The following NBPF8 variants were observed in gnomAD, a reference collection of about 807,000 sequenced individuals.
NBPF8 encodes the protein NBPF member 8.
At chr1:120,452,512 C>A (rs1661310009) in intron 13 of NBPF8, among the ~76,000 whole-genome samples, 181 bp downstream of exon 11, 1 of 151,816 alleles carries the variant, frequency 6.6e-6, no homozygotes, top group Admixed American at 6.6e-5. Flanking sequence ...GGTTGGAGGT[C>A]ACAGTATTGC....
upstream of NBPF8, chr1:120,433,798 TGCTCTTCATAC>T (rs1417602213): frequency 5.7e-6 from 1 of 176,592 alleles, no homozygotes; most frequent in African/African-American, 2.4e-5. Context: ...GCTCCACCGA[TGCTCTTCATAC>T]GAAGATCCGT....
chr1:120,450,086 G>T (rs1661220246), intron 11 of NBPF8, among the ~76,000 whole-genome samples: 1 of 152,064 alleles, frequency 6.6e-6, no homozygotes, highest in Non-Finnish European at 1.5e-5. Context: ...AAGTAGATGG[G>T]CGTGGTGGCA....
rs1239573866 is a variant in NBPF8, at chr1:120,456,528, T to A, written n.2620+1068T>A. Among the ~76,000 whole-genome samples, 3 of 104,582 alleles carry A rather than the reference T, an allele frequency of 2.9e-5. 1 individual carries two copies. The highest frequency in any genetic ancestry group is 1.8e-4 in the African/African-American group (3 of 16,524). 68.6% of individuals were successfully genotyped at this position (104,582 alleles called of 152,430 possible). A position where few individuals can be genotyped will look rare whatever the true frequency, so the allele number is the denominator to read the frequency against. On this transcript the variant is annotated intron_variant and non_coding_transcript_variant, in intron 16 of 24. Coordinates refer to ENST00000583271, the Ensembl canonical transcript of NBPF8. ...CTTTACCATTATGTAGTGGCCTTCT[T>A]GTCTCTTTTGATCTTTGTTGTTTGA...
chr1:120,415,896 T>A (rs1660425134), upstream of NBPF8, among the ~76,000 whole-genome samples: 1 of 152,202 alleles, frequency 6.6e-6, no homozygotes, highest in African/African-American at 2.4e-5. Flanking sequence ...TCTTTCTGGC[T>A]TGTTAGATCT....
intron 12 of NBPF8, among the ~76,000 whole-genome samples, chr1:120,451,700 T>G (rs1340413825): frequency 6.7e-6 from 1 of 148,678 alleles, no homozygotes; most frequent in Non-Finnish European, 1.5e-5. Flanking sequence ...ATTCTTTTCT[T>G]CTTTCGTCTT....
At chr1:120,420,265 G>A (rs2660553) in intron 1 of NBPF8, among the ~76,000 whole-genome samples, 147 bp downstream of exon 2, 62,858 of 151,546 alleles carry the variant, frequency 0.41, 13,680 homozygotes, top group African/African-American at 0.49. Flanking sequence ...TATTTGTTAA[G>A]TGAATGAACA....
At chr1:120,420,236 G>A (rs1431239069) in intron 1 of NBPF8, among the ~76,000 whole-genome samples, 118 bp downstream of exon 2, 16 of 152,178 alleles carry the variant, frequency 1.1e-4, no homozygotes, top group African/African-American at 3.9e-4. Context: ...TGCCTGGCAT[G>A]AAACAGATAC....
intron 3 of NBPF8, among the ~76,000 whole-genome samples, chr1:120,428,608 G>A (rs1326522243): frequency 6.6e-6 from 1 of 152,210 alleles, no homozygotes; most frequent in Non-Finnish European, 1.5e-5. Context: ...AAGCATGGCT[G>A]AGGCTTGTGG....
At chr1:120,429,343 TCTC>T (rs1337508757) in intron 3 of NBPF8, among the ~76,000 whole-genome samples, 2 of 151,626 alleles carry the variant, frequency 1.3e-5, no homozygotes, top group Non-Finnish European at 2.9e-5. Flanking sequence ...CCAGAGGCAT[TCTC>T]CTCACCAAGG....
chr1:120,424,619 T>A (rs1229275348), intron 1 of NBPF8, among the ~76,000 whole-genome samples: 10 of 151,944 alleles, frequency 6.6e-5, no homozygotes, highest in African/African-American at 1.9e-4. Context: ...GGCTAATGTT[T>A]GTATTTTTGG....
exon 25 of NBPF8, chr1:120,466,337 G>A (rs1415983070): frequency 2.1e-6 from 3 of 1,431,952 alleles, no homozygotes; most frequent in Non-Finnish European, 2.9e-6. Flanking sequence ...GGGTCAGTGG[G>A]CATGGCTCTA....
At chr1:120,450,225 AAATAAT>A (rs1262795958) in intron 11 of NBPF8, among the ~76,000 whole-genome samples, 8 of 151,854 alleles carry the variant, frequency 5.3e-5, no homozygotes, top group East Asian at 1.9e-4. Flanking sequence ...AGACTGTTAA[AAATAAT>A]AATAATAATA....
upstream of NBPF8, among the ~76,000 whole-genome samples, chr1:120,431,862 GAC>G (rs1486311848): frequency 2.1e-5 from 3 of 146,164 alleles, no homozygotes; most frequent in Non-Finnish European, 3.0e-5. Flanking sequence ...TCAGTAACGA[GAC>G]ACAGATGAAC....
exon 15 of NBPF8, chr1:120,454,080 T>G (rs1661364883): frequency 6.2e-7 from 1 of 1,613,110 alleles, no homozygotes; most frequent in South Asian, 1.1e-5. Context: ...CATCCTCTCA[T>G]GTTGAATGGG....
upstream of NBPF8, among the ~76,000 whole-genome samples, chr1:120,419,400 A>T (rs1660511951): frequency 6.6e-6 from 1 of 152,104 alleles, no homozygotes; most frequent in African/African-American, 2.4e-5. Flanking sequence ...CCCTAACAGA[A>T]AGAATCGAAT....
chr1:120,420,561 G>GAA, intron 1 of NBPF8, among the ~76,000 whole-genome samples: 1 of 150,834 alleles, frequency 6.6e-6, no homozygotes, highest in Admixed American at 6.6e-5. Context: ...TGTCCTGGGT[G>GAA]GGGAGATGTG....
chr1:120,468,927 C>T (rs1223579024), downstream of NBPF8, among the ~76,000 whole-genome samples: 1 of 152,012 alleles, frequency 6.6e-6, no homozygotes, highest in Non-Finnish European at 1.5e-5. Context: ...ACAGTGTTCC[C>T]TAGCCCTGGT....
Position 120,454,055 on chromosome 1 carries a change from C to T in NBPF8, n.2509C>T. 3 of 1,613,318 alleles carry T rather than the reference C, an allele frequency of 1.9e-6. No individual in the cohort carries two copies. The South Asian group carries it at 3.3e-5, about 18-fold the overall frequency. On this transcript the variant is annotated non_coding_transcript_exon_variant, in exon 15 of 25. Transcript: ENST00000583271. ...ACATTTGAGGAAGACAAAGTCGACTCAGCTCTCATTGGCTCATCCTCTCAT... is the reference window on the plus strand; with the variant it reads ...ACATTTGAGGAAGACAAAGTCGACTTAGCTCTCATTGGCTCATCCTCTCAT...
intron 16 of NBPF8, among the ~76,000 whole-genome samples, chr1:120,456,381 T>G (rs1553249684): frequency 1.3e-5 from 2 of 149,124 alleles, no homozygotes; most frequent in Non-Finnish European, 2.9e-5. Context: ...AGTCTCCCAT[T>G]ATGATTGTGT....
Sources: gnomAD v4.1 joint callset for allele counts (sites outside exome capture counted in the v4.1 genomes callset) on GRCh38, gnomAD v4.1.1 for gene constraint, MANE v1.5 for transcripts, NCBI Gene and HGNC (gene_info 2026-07-23, HGNC 2026-07-21) for gene names.